The following TSC1 variants were observed in gnomAD, a reference collection of about 807,000 sequenced individuals.
TSC1 encodes the protein hamartin.
Under a neutral mutation model 124.3 loss-of-function variants are expected in TSC1, and 20 were observed. The observed-to-expected ratio is 0.16, with a 90% CI of 0.11 to 0.23. The LOEUF is 0.23. Ranked by LOEUF, TSC1 falls within the 10% of genes least tolerant of loss-of-function variation. TSC1 has a pLI of 1.00. For synonymous variants in TSC1, 493 were observed against 539.1 expected, an observed-to-expected ratio of 0.91 and a Z score of 1.19; for missense variants, 1,124 against 1,448.5, an observed-to-expected ratio of 0.78 and a Z score of 3.64.
chr9:132,940,109 C>T (rs987167665), intron 1 of TSC1, among the ~76,000 whole-genome samples: 3 of 152,018 alleles, frequency 2.0e-5, no homozygotes, highest in Non-Finnish European at 4.4e-5. Flanking sequence ...CAGCACAGAC[C>T]GAATGCCAAG....
In TSC1 at chr9:132,906,348, C is replaced by G. The variant is rs17149968; in HGVS notation, c.1439-209G>C. The G allele has an allele frequency of 0.082, 52,610 of 640,006 alleles. 2,440 individuals are homozygous for G. The highest frequency in any genetic ancestry group is 0.14 in the Admixed American group (6,114 of 42,468). 39.6% of individuals were successfully genotyped at this position (640,006 alleles called of 1,614,324 possible). ...ATCACTTGAGCCCAGGAGTTAGAGA[C>G]CAGCCTGGACAACATAGGGAGATCC... is the stretch of plus-strand genomic sequence containing the variant. On this transcript the variant is annotated intron_variant, in intron 14 of 22. Transcript: ENST00000298552. The surrounding 1 kb of genome is among the most constrained non-coding windows in gnomAD (Gnocchi z 4.1).
chr9:132,934,738 G>C (rs1446760699), intron 2 of TSC1, among the ~76,000 whole-genome samples: 1 of 152,242 alleles, frequency 6.6e-6, no homozygotes. Flanking sequence ...TACCAGCTAT[G>C]CATCTTTAGG....
chr9:132,925,981 A>G (rs1846839191), intron 4 of TSC1: 1 of 531,104 alleles, frequency 1.9e-6, no homozygotes, highest in East Asian at 3.4e-5. Flanking sequence ...CAATACACGC[A>G]TGCAGAAAGG....
At position 132,900,857 on chromosome 9, in the gene TSC1, A is replaced by C. The variant is rs539758749; in HGVS notation, c.2503-20T>G. On this transcript the variant is annotated intron_variant, in intron 19 of 22. Transcript: ENST00000298552. ...TGAGAGCTAACCAAAAAACATGAGC[A>C]AAGTGAAAAATCCGACGACATAAAA... The C allele has an allele frequency of 6.2e-6, 10 of 1,613,930 alleles. No homozygotes were observed. The highest frequency in any genetic ancestry group is 7.6e-6 in the Non-Finnish European group (9 of 1,179,828).
At chr9:132,929,210 C>A (rs1253810431) in intron 2 of TSC1, among the ~76,000 whole-genome samples, 1 of 152,216 alleles carries the variant, frequency 6.6e-6, no homozygotes, top group Non-Finnish European at 1.5e-5. Context: ...CCAGTCACAG[C>A]AACTTAATGA....
Position 132,893,201 on chromosome 9 carries a change from A to G in TSC1, c.*3034T>C, listed in dbSNP as rs764220703. ...AAAGGTCAGGCAGTTTTCTCTCCTG[A>G]AAAACTCTGTGGACACACCTAGAGA... is the stretch of plus-strand genomic sequence containing the variant. On this transcript the variant is annotated 3_prime_UTR_variant, in exon 23 of 23. Transcript: ENST00000298552. 25 of 233,170 alleles carry G rather than the reference A, an allele frequency of 1.1e-4. No individual in the cohort carries two copies. Among genetic ancestry groups the G allele is most frequent in the Non-Finnish European group, 1.9e-4 (22 of 118,064 alleles). The allele number at this position is 233,170 out of a possible 1,614,324, so 14.4% of individuals were successfully genotyped here. A position where few individuals can be genotyped will look rare whatever the true frequency, so the allele number is the denominator to read the frequency against.
chr9:132,928,809 G>A lies in TSC1; in HGVS notation c.64C>T (p.Arg22Trp), dbSNP rs749030456. Reference sequence around the variant, plus strand: ...TTAAAGACAGCTGTCACGTCGTCCCGCACACCCAGCATGGGGGAGTCCAGC... The same window carrying A: ...TTAAAGACAGCTGTCACGTCGTCCCACACACCCAGCATGGGGGAGTCCAGC... ...AMLDSPMLGV[R>W]DDVTAVFKEN... Residue 22 changes from arginine to tryptophan, a missense_variant, in exon 3 of 23, where the codon CGG (arginine) becomes TGG (tryptophan). Around this residue, in one of 5 missense-constraint regions of TSC1, gnomAD observed 463 missense variants for 606.8 expected, o/e 0.76. Transcript: ENST00000298552. The A allele has an allele frequency of 1.5e-5, 25 of 1,614,100 alleles. No individual in the cohort carries two copies. Among genetic ancestry groups the A allele is most frequent in the East Asian group, 1.3e-4 (6 of 44,888 alleles).
intron 1 of TSC1, among the ~76,000 whole-genome samples, chr9:132,939,959 G>C (rs1214981360): frequency 2.0e-5 from 3 of 152,116 alleles, no homozygotes; most frequent in African/African-American, 7.2e-5. Context: ...AGAACCACTG[G>C]TCTAGGAAAA....
At chr9:132,912,174 C>A in intron 9 of TSC1, 108 bp downstream of exon 9, 1 of 1,372,548 alleles carries the variant, frequency 7.3e-7, no homozygotes, top group South Asian at 1.2e-5. Context: ...GGGAAAAATC[C>A]CTAGGAACTG....
At chr9:132,936,585 A>G (rs1323031362) in intron 1 of TSC1, among the ~76,000 whole-genome samples, 2 of 152,242 alleles carry the variant, frequency 1.3e-5, no homozygotes, top group Non-Finnish European at 2.9e-5. Context: ...TATCCATGCT[A>G]AATGAGTATA....
chr9:132,932,804 G>A (rs934416947), intron 2 of TSC1, among the ~76,000 whole-genome samples: 16 of 152,118 alleles, frequency 1.1e-4, no homozygotes, highest in South Asian at 6.2e-4. Context: ...CACAGCTGAC[G>A]GTCTCGCAGA....
rs1210233866 is a variant in TSC1 at position 132,923,999 on chromosome 9, T to C, written c.364-507A>G. 6.6e-6 allele frequency among the ~76,000 whole-genome samples: 1 copy of C among 151,876 alleles called. No individual in the cohort carries two copies. Among genetic ancestry groups the C allele is most frequent in the African/African-American group, 2.4e-5 (1 of 41,366 alleles). Reference sequence around the variant, plus strand: ...AGTATAATTGAAGGAGAAATTCATATAGCACTAACAAGTCAACTTAAAGGC... The same window carrying C: ...AGTATAATTGAAGGAGAAATTCATACAGCACTAACAAGTCAACTTAAAGGC... On this transcript the variant is annotated intron_variant, in intron 5 of 22. Transcript: ENST00000298552. The surrounding 1 kb of genome is among the most constrained non-coding windows in gnomAD (Gnocchi z 4.2).
intron 2 of TSC1, among the ~76,000 whole-genome samples, chr9:132,933,931 T>A (rs1187335252): frequency 6.6e-6 from 1 of 152,178 alleles, no homozygotes; most frequent in Non-Finnish European, 1.5e-5. Flanking sequence ...AGGAACAGTA[T>A]GAAGTATACA....
In TSC1 at chr9:132,905,913, T is replaced by A. The variant is rs2131834277; in HGVS notation, c.1665A>T (p.Ile555=). The change falls in exon 15 of 23, where the codon ATA becomes ATT. Residue 555 remains isoleucine (I), a synonymous_variant. Coordinates refer to ENST00000298552, the MANE Select transcript of TSC1 (RefSeq NM_000368.5). ...CATCAGCACTGCCGCAGGGCAGGTC[T>A]ATGGGAGTAAAGGCTTGCTTTGGTG... ...PDTPKQAFTP[I]DLPCGSADES... is the part of the protein sequence containing the mutation. 1 of 1,613,278 alleles carries A rather than the reference T, an allele frequency of 6.2e-7. No individual in the cohort carries two copies. The highest frequency in any genetic ancestry group is 8.5e-7 in the Non-Finnish European group (1 of 1,179,318).
intron 12 of TSC1, 30 bp from the exon 13 acceptor site, chr9:132,907,400 A>G (rs1056519655): frequency 3.2e-6 from 5 of 1,578,036 alleles, no homozygotes; most frequent in Non-Finnish European, 4.4e-6. Context: ...TTATATCACA[A>G]GACGAAAAAT....
At position 132,927,241 on chromosome 9, in the gene TSC1, G is replaced by A. The variant is rs1846920951; in HGVS notation, c.170C>T (p.Ala57Val). Residue 57 changes from alanine to valine, a missense_variant, in exon 4 of 23, where the codon GCA becomes GTA. Physicochemically the swap from Ala to Val is moderately conservative, Grantham distance 64. Coordinates refer to ENST00000298552, the MANE Select transcript of TSC1 (RefSeq NM_000368.5). ...DYYLETSSQP[A>V]LHILTTLQEP... is the part of the protein sequence containing the mutation. ...TTGCAAGGTGGTCAGGATGTGCAAT[G>A]CCGGCTGAGAGCTGGTTTCCAGGTA... 6.2e-7 allele frequency: 1 copy of A among 1,614,070 alleles called. No homozygotes were observed. Among genetic ancestry groups the A allele is most frequent in the Non-Finnish European group, 8.5e-7 (1 of 1,179,974 alleles).
rs554648121 is a variant in TSC1, at chr9:132,923,166, G to A, written c.508+182C>T. Among the ~76,000 whole-genome samples the A allele has an allele frequency of 2.6e-5, 4 of 152,272 alleles. No homozygotes were observed. In the South Asian group the frequency reaches 8.3e-4, roughly 32 times the overall value. On this transcript the variant is annotated intron_variant, in intron 6 of 22. Transcript: ENST00000298552. This position sits in a 1 kb window ranked among gnomAD's most constrained non-coding sequence, Gnocchi z 4.2. ...GAAAATAAAAAAAGTTATCTCAACA[G>A]TCATGTTTCTTCTATGTGCCTGTAG...
chr9:132,928,518 T>G (rs1847012572), intron 3 of TSC1, among the ~76,000 whole-genome samples: 1 of 152,044 alleles, frequency 6.6e-6, no homozygotes, highest in Non-Finnish European at 1.5e-5. Context: ...ATTTGGAGGG[T>G]GGGAGAGTCA....
Position 132,921,792 on chromosome 9 carries a change from GCAAA to G in TSC1, c.663+23_663+26del. 2 of 1,613,570 alleles carry G rather than the reference GCAAA, an allele frequency of 1.2e-6. No individual in the cohort carries two copies. Among genetic ancestry groups the G allele is most frequent in the Non-Finnish European group, 1.7e-6 (2 of 1,179,654 alleles). ...GCCTATCTAAACAGTATACTAAGTA[GCAAA>G]CAAACAAGCAGTTTCAATTTACCTT... On this transcript the variant is annotated intron_variant, in intron 7 of 22. Transcript: ENST00000298552. The surrounding 1 kb of genome is among the most constrained non-coding windows in gnomAD (Gnocchi z 4.3).
Sources: gnomAD v4.1 joint callset for allele counts (sites outside exome capture counted in the v4.1 genomes callset) on GRCh38, gnomAD v4.1.1 for gene constraint, gnomAD v4.1.1 regional missense constraint, Gnocchi (gnomAD v3.1) non-coding constraint, MANE v1.5 for transcripts, NCBI Gene and HGNC (gene_info 2026-07-23, HGNC 2026-07-21) for gene names.